PPP4R2: variants seen among roughly 807,000 people sequenced by gnomAD.
PPP4R2 encodes the protein serine/threonine-protein phosphatase 4 regulatory subunit 2.
In PPP4R2, 13 loss-of-function variants were observed where a neutral mutation model predicts 47.2. The observed-to-expected ratio is 0.28, with a 90% confidence interval of 0.18 to 0.44. The LOEUF is 0.44. PPP4R2 is among the 20% of genes least tolerant of loss of function. The pLI is 1.00. For synonymous variants in PPP4R2, 151 were observed against 163.3 expected (o/e 0.92, Z 0.57); for missense variants, 421 against 491.2 (o/e 0.86, Z 1.35).
chr3:73,045,477 A>G (rs1702462504), intron 2 of PPP4R2, among the ~76,000 whole-genome samples: 1 of 151,776 alleles, frequency 6.6e-6, no homozygotes, highest in Non-Finnish European at 1.5e-5. Flanking sequence ...TCTTGAAATG[A>G]CAGGTTCACT....
At chr3:73,010,249 G>T (rs780066863) in intron 2 of PPP4R2, among the ~76,000 whole-genome samples, 19 of 152,078 alleles carry the variant, frequency 1.2e-4, no homozygotes, top group African/African-American at 9.7e-5. Context: ...TTGAGACAAG[G>T]TCTTGCTCTG....
chr3:73,010,931 T>C lies in PPP4R2; in HGVS notation c.116+12773T>C, dbSNP rs543622797. On this transcript the variant is annotated intron_variant, in intron 2 of 8. Coordinates refer to ENST00000356692, the MANE Select transcript of PPP4R2 (RefSeq NM_174907.4). The stretch of plus-strand genomic sequence containing the variant: ...TTCATATGCATAACCTGATTTAGTC[T>C]TTACAACTACTATCTGAAGTAGGTC... Among the ~76,000 whole-genome samples the C allele has an allele frequency of 2.0e-5, 3 of 152,358 alleles. No individual in the cohort carries two copies. In the East Asian group the frequency reaches 5.8e-4, roughly 29 times the overall value.
chr3:73,043,887 A>T (rs1488160754), intron 2 of PPP4R2, among the ~76,000 whole-genome samples: 3 of 152,222 alleles, frequency 2.0e-5, no homozygotes, highest in Admixed American at 2.0e-4. Flanking sequence ...AACTTGAAAC[A>T]TTGTACACAT....
intron 2 of PPP4R2, among the ~76,000 whole-genome samples, chr3:73,003,219 T>G (rs1256539876): frequency 2.2e-5 from 1 of 46,340 alleles, no homozygotes; most frequent in Non-Finnish European, 5.2e-5. Context: ...TCCCTTTTGT[T>G]TTTTTTTTTT....
chr3:73,016,747 T>TTTTTTG lies in PPP4R2; in HGVS notation c.116+18594_116+18595insGTTTTT, dbSNP rs1315629575. On this transcript the variant is annotated intron_variant, in intron 2 of 8. Coordinates refer to ENST00000356692, the MANE Select transcript of PPP4R2 (RefSeq NM_174907.4). ...GTTCATTGTTTATTTTTATTATTTT[T>TTTTTTG]TTTTTTTAATACAGAGTCTCACTCT... is the stretch of plus-strand genomic sequence containing the variant. 1.6e-4 allele frequency among the ~76,000 whole-genome samples: 21 copies of TTTTTTG among 133,878 alleles called. 1 individual carries two copies. The highest frequency in any genetic ancestry group is 1.7e-5 in the Non-Finnish European group (1 of 60,380). 87.8% of individuals were successfully genotyped at this position (133,878 alleles called of 152,430 possible). A position where few individuals can be genotyped will look rare whatever the true frequency, so the allele number is the denominator to read the frequency against.
intron 3 of PPP4R2, among the ~76,000 whole-genome samples, chr3:73,058,017 G>A (rs1171527705): frequency 6.6e-6 from 1 of 152,082 alleles, no homozygotes; most frequent in Admixed American, 6.5e-5. Flanking sequence ...TGTTAGCTGC[G>A]TTTGTCGTAC....
intron 5 of PPP4R2, chr3:73,062,241 G>A: frequency 6.3e-7 from 1 of 1,598,382 alleles, no homozygotes; most frequent in South Asian, 1.1e-5. Context: ...TCTAAGAAAG[G>A]ACTCACAGCC....
In PPP4R2 at chr3:73,004,036, G is replaced by GTT. The variant is rs1265158931; in HGVS notation, c.116+5879_116+5880insTT. 7.9e-5 allele frequency among the ~76,000 whole-genome samples: 12 copies of GTT among 151,884 alleles called. 1 individual carries two copies. Among genetic ancestry groups the GTT allele is most frequent in the Admixed American group, 7.9e-4 (12 of 15,248 alleles). On this transcript the variant is annotated intron_variant, in intron 2 of 8. Transcript: ENST00000356692. ...TTTTTAGTAGAGATGGGGTTTCATC[G>GTT]TGTTGGCCAGGTTGGTCTCAATTTC...
At chr3:73,046,914 C>T (rs1390689108) in intron 2 of PPP4R2, among the ~76,000 whole-genome samples, 1 of 152,056 alleles carries the variant, frequency 6.6e-6, no homozygotes, top group Non-Finnish European at 1.5e-5. Flanking sequence ...TAGGACCTAA[C>T]ACACCATAGA....
chr3:73,033,865 C>T (rs1392222704), intron 2 of PPP4R2, among the ~76,000 whole-genome samples: 1 of 152,146 alleles, frequency 6.6e-6, no homozygotes, highest in African/African-American at 2.4e-5. Context: ...ATAACACTGC[C>T]GTGAATGTTG....
intron 3 of PPP4R2, among the ~76,000 whole-genome samples, chr3:73,058,183 G>A (rs1045482189): frequency 3.3e-5 from 5 of 152,222 alleles, no homozygotes; most frequent in Middle Eastern, 3.4e-3. Context: ...TTGAGGTATA[G>A]TGAAATTATT....
intron 5 of PPP4R2, chr3:73,062,051 G>C (rs1702871002): frequency 1.4e-6 from 2 of 1,457,934 alleles, no homozygotes; most frequent in Non-Finnish European, 1.8e-6. Flanking sequence ...AAATGGTAAA[G>C]AAGTGCAGAG....
At chr3:72,997,986 A>G (rs1286468847) in intron 1 of PPP4R2, 91 bp from the exon 2 acceptor site, 1 of 862,978 alleles carries the variant, frequency 1.2e-6, no homozygotes, top group Non-Finnish European at 1.9e-6. Context: ...TATTTAATTG[A>G]TTTTTAATAA....
In PPP4R2 at chr3:73,067,672, T is replaced by C. The variant is rs1159114372; in HGVS notation, c.*1950T>C. 1 of 152,122 alleles carries C rather than the reference T, an allele frequency of 6.6e-6. No homozygotes were observed. The highest frequency in any genetic ancestry group is 1.5e-5 in the Non-Finnish European group (1 of 67,966). The allele number at this position is 152,122 out of a possible 1,614,324, so 9.4% of individuals were successfully genotyped here. A position where few individuals can be genotyped will look rare whatever the true frequency, so the allele number is the denominator to read the frequency against. Reference sequence around the variant, plus strand: ...AAACTTACCTAAGATCCTGTGACCTTTTGATATTTTTTATTTTAATTGTAG... The same window carrying C: ...AAACTTACCTAAGATCCTGTGACCTCTTGATATTTTTTATTTTAATTGTAG... On this transcript the variant is annotated 3_prime_UTR_variant, in exon 9 of 9. Transcript: ENST00000356692.
intron 2 of PPP4R2, among the ~76,000 whole-genome samples, chr3:73,019,208 T>A (rs1272453024): frequency 6.6e-6 from 1 of 152,184 alleles, no homozygotes; most frequent in African/African-American, 2.4e-5. Flanking sequence ...AGTCTAGGTG[T>A]ATAGTAGACT....
chr3:73,005,872 A>G (rs1000176054), intron 2 of PPP4R2, among the ~76,000 whole-genome samples: 1 of 150,240 alleles, frequency 6.7e-6, no homozygotes, highest in African/African-American at 2.4e-5. Context: ...TATAATTGAC[A>G]TACAATACAC....
intron 5 of PPP4R2, chr3:73,062,603 T>C (rs1423233670): frequency 1.7e-5 from 28 of 1,613,898 alleles, no homozygotes; most frequent in Non-Finnish European, 1.9e-5. Context: ...TGCCTAACTT[T>C]ATTGCCCTTG....
chr3:73,064,052 G>A lies in PPP4R2; in HGVS notation c.544G>A (p.Val182Ile), dbSNP rs1013535937. The change falls in exon 7 of 9, where the codon GTT becomes ATT. Residue 182 changes from valine (V) to isoleucine (I), a missense_variant. Around this residue, in one of 2 missense-constraint regions of PPP4R2, gnomAD observed 317 missense variants for 287.5 expected, o/e 1.10. Transcript: ENST00000356692. ...ACCCAGGCCACTTAATCGACCAAAG[G>A]TTTCTTTGTCAGCCCCCATGACAAC... ...GTPRPLNRPK[V>I]SLSAPMTTNG... 2 of 1,613,042 alleles carry A rather than the reference G, an allele frequency of 1.2e-6. No homozygotes were observed. The highest frequency in any genetic ancestry group is 1.3e-5 in the African/African-American group (1 of 74,854).
At chr3:73,014,820 T>C (rs1172022023) in intron 2 of PPP4R2, 3 of 408,644 alleles carry the variant, frequency 7.3e-6, no homozygotes, top group African/African-American at 6.1e-5. Flanking sequence ...AGTGATAATA[T>C]TCTAAATCTA....
Sources: allele counts gnomAD v4.1 joint callset (sites outside exome capture counted in the v4.1 genomes callset), GRCh38; gene constraint gnomAD v4.1.1; regional missense constraint gnomAD v4.1.1; transcripts MANE v1.5; gene names NCBI Gene and HGNC (gene_info 2026-07-23, HGNC 2026-07-21).